MAPK10: variants seen among roughly 807,000 people sequenced by gnomAD.
MAPK10 encodes mitogen-activated protein kinase 10.
Under a neutral mutation model 59.3 loss-of-function variants are expected in MAPK10, and 25 were observed. That is an observed-to-expected ratio of 0.42 (90% CI 0.31 to 0.59). The LOEUF is 0.59. Among genes scored for constraint, MAPK10 ranks in the 20% least tolerant of loss-of-function variants. The pLI, the probability that MAPK10 is intolerant of heterozygous loss-of-function variation, is 0.15. For synonymous variants in MAPK10, 190 were observed against 200.5 expected (o/e 0.95, Z 0.44); for missense variants, 351 against 568.9 (o/e 0.62, Z 3.90).
chr4:86,251,586 T>C (rs1310759680), intron 2 of MAPK10, among the ~76,000 whole-genome samples: 2 of 134,694 alleles, frequency 1.5e-5, no homozygotes, highest in African/African-American at 2.9e-5. Context: ...TGTTGGACAT[T>C]TGGGTTGGTT....
At chr4:86,344,966 A>C in intron 2 of MAPK10, among the ~76,000 whole-genome samples, 1 of 152,206 alleles carries the variant, frequency 6.6e-6, no homozygotes, top group East Asian at 1.9e-4. Flanking sequence ...GCAAACCTGG[A>C]AAATTGATAT....
At chr4:86,416,447 A>G (rs923654442) in intron 1 of MAPK10, among the ~76,000 whole-genome samples, 2 of 152,224 alleles carry the variant, frequency 1.3e-5, no homozygotes, top group Non-Finnish European at 2.9e-5. Context: ...GATGAGGTAA[A>G]TCCTCAATGA....
At chr4:86,227,973 G>A (rs1346054426) in intron 2 of MAPK10, among the ~76,000 whole-genome samples, 3 of 152,154 alleles carry the variant, frequency 2.0e-5, no homozygotes, top group African/African-American at 4.8e-5. Context: ...CACCATGCAG[G>A]GCCATGTGGG....
Position 86,489,981 on chromosome 4 carries a change from C to A in MAPK10, c.-263+103929G>T, listed in dbSNP as rs777313678. Among the ~76,000 whole-genome samples, 32 of 152,198 alleles carry A rather than the reference C, an allele frequency of 2.1e-4. 2 individuals carry two copies. Among genetic ancestry groups the A allele is most frequent in the Non-Finnish European group, 1.2e-4 (8 of 68,050 alleles). On this transcript the variant is annotated intron_variant, in intron 1 of 4. Coordinates refer to the MAPK10 transcript ENST00000502302. ...TGGTCTAACCAAGCCCTCCAAATAA[C>A]AAGCCAAGTATGGTTCACATACTCC... is the stretch of plus-strand genomic sequence containing the variant.
intron 3 of MAPK10, among the ~76,000 whole-genome samples, chr4:86,179,140 T>C (rs1010297738): frequency 1.7e-4 from 26 of 152,046 alleles, no homozygotes; most frequent in African/African-American, 6.0e-4. Flanking sequence ...AAGTGGAGGT[T>C]GCAGTGAGCC....
chr4:86,510,381 G>A (rs1197655229), intron 1 of MAPK10, among the ~76,000 whole-genome samples: 1 of 152,008 alleles, frequency 6.6e-6, no homozygotes, highest in Admixed American at 6.6e-5. Flanking sequence ...CCAAAATGCT[G>A]AAATTATAGG....
intron 2 of MAPK10, among the ~76,000 whole-genome samples, chr4:86,232,185 A>G (rs1429866770): frequency 6.6e-6 from 1 of 152,224 alleles, no homozygotes; most frequent in Non-Finnish European, 1.5e-5. Flanking sequence ...TTACAAAAAC[A>G]GCTGGTAGAC....
intron 3 of MAPK10, among the ~76,000 whole-genome samples, chr4:86,183,972 C>A (rs1355769140): frequency 6.6e-6 from 1 of 152,076 alleles, no homozygotes; most frequent in Non-Finnish European, 1.5e-5. Context: ...CCTTTGCCCA[C>A]TTTTTGATGG....
At chr4:86,459,760 A>G (rs1375736756) in intron 1 of MAPK10, among the ~76,000 whole-genome samples, 1 of 152,160 alleles carries the variant, frequency 6.6e-6, no homozygotes, top group Non-Finnish European at 1.5e-5. Context: ...CTGGGGACTC[A>G]GGCAGAAAGG....
At chr4:86,192,477 TTC>T (rs2080167545) in intron 3 of MAPK10, 1 of 152,098 alleles carries the variant, frequency 6.6e-6, no homozygotes, top group Non-Finnish European at 1.5e-5. Flanking sequence ...TTCTTTTTCA[TTC>T]TTTTTTCTCT....
At chr4:86,567,158 T>TA (rs1417713650) in intron 1 of MAPK10, among the ~76,000 whole-genome samples, 2 of 152,160 alleles carry the variant, frequency 1.3e-5, no homozygotes, top group Non-Finnish European at 2.9e-5. Flanking sequence ...ATACTGTACA[T>TA]AAAAATCTTA....
At chr4:86,157,209 A>G (rs1423159671) in intron 4 of MAPK10, among the ~76,000 whole-genome samples, 1 of 152,022 alleles carries the variant, frequency 6.6e-6, no homozygotes, top group Non-Finnish European at 1.5e-5. Context: ...TAAGGTAACC[A>G]GAACAGTAGA....
At chr4:86,205,921 A>G (rs889960484) in intron 2 of MAPK10, among the ~76,000 whole-genome samples, 25 of 152,050 alleles carry the variant, frequency 1.6e-4, no homozygotes, top group Non-Finnish European at 2.1e-4. Context: ...AAATATAAAG[A>G]TGTCTGCCAT....
chr4:86,135,563 T>G (rs943188483), intron 4 of MAPK10, among the ~76,000 whole-genome samples: 2 of 151,882 alleles, frequency 1.3e-5, no homozygotes, highest in Non-Finnish European at 2.9e-5. Context: ...AGACCAAAAG[T>G]AGATAAAACC....
At chr4:86,554,578 C>T (rs1760106860) in intron 1 of MAPK10, among the ~76,000 whole-genome samples, 1 of 152,180 alleles carries the variant, frequency 6.6e-6, no homozygotes, top group Admixed American at 6.5e-5. Context: ...TATAAAAAAT[C>T]TGACCATTCT....
intron 11 of MAPK10, among the ~76,000 whole-genome samples, chr4:86,048,366 A>C (rs892015380): frequency 6.6e-6 from 1 of 152,152 alleles, no homozygotes; most frequent in African/African-American, 2.4e-5. Context: ...AATTCTGAGA[A>C]GCAGTAGCTT....
chr4:86,224,262 A>G (rs2090214469), intron 2 of MAPK10, among the ~76,000 whole-genome samples: 3 of 152,218 alleles, frequency 2.0e-5, no homozygotes, highest in Admixed American at 2.0e-4. Context: ...AGATATTATC[A>G]ATGCCATTTT....
At chr4:86,235,602 T>G (rs2092136728) in intron 2 of MAPK10, among the ~76,000 whole-genome samples, 1 of 152,242 alleles carries the variant, frequency 6.6e-6, no homozygotes, top group East Asian at 1.9e-4. Context: ...CATCTTTTAC[T>G]GAACACCTCC....
intron 2 of MAPK10, among the ~76,000 whole-genome samples, chr4:86,216,299 T>C (rs1376814372): frequency 1.1e-4 from 15 of 131,752 alleles, no homozygotes; most frequent in African/African-American, 5.1e-4. Context: ...ATATAGCATA[T>C]ATATATATAT....
Sources: gnomAD v4.1 joint callset for allele counts (sites outside exome capture counted in the v4.1 genomes callset) on GRCh38, gnomAD v4.1.1 for gene constraint, MANE v1.5 for transcripts, NCBI Gene and HGNC (gene_info 2026-07-23, HGNC 2026-07-21) for gene names.